Variants in MC2R observed in about 807,000 individuals in gnomAD.
MC2R encodes the protein adrenocorticotropic hormone receptor.
In MC2R, 9 loss-of-function variants were observed where a neutral mutation model predicts 9.8. The observed-to-expected ratio is 0.92, with a 90% CI of 0.55 to 1.60. The LOEUF is 1.60. Ranked by LOEUF, MC2R falls within the 40% of genes most tolerant of loss-of-function variation. The probability of loss-of-function intolerance (pLI) is 0.00; values close to 1 mark genes in which losing one functional copy is unlikely to be tolerated. For synonymous variants in MC2R, 185 were observed against 154.7 expected (o/e 1.20, Z -1.45); for missense variants, 370 against 389.0 (o/e 0.95, Z 0.41).
At position 13,884,977 on chromosome 18, in the gene MC2R, A is replaced by T. The variant is rs2045265388; in HGVS notation, c.542T>A (p.Leu181Gln). The T allele has an allele frequency of 1.2e-6, 2 of 1,614,064 alleles. No individual in the cohort carries two copies. Among genetic ancestry groups the T allele is most frequent in the East Asian group, 2.2e-5 (1 of 44,888 alleles). The change falls in exon 2 of 2, where the codon CTG becomes CAG. Residue 181 changes from leucine to glutamine, a missense_variant. Physicochemically the swap from Leu to Gln is moderately radical, Grantham distance 113. Transcript: ENST00000327606. ...GATGAAGACCAGCATCAGCGGGAAC[A>T]GCGACGTGAAGGTGATCACTGTGGG... is the stretch of plus-strand genomic sequence containing the variant. The part of the protein sequence containing the change: ...HVPTVITFTS[L>Q]FPLMLVFILC...
At chr18:13,914,060 A>ATTTTTTTTTTTT (rs11324197) in intron 1 of MC2R, among the ~76,000 whole-genome samples, 1 of 145,866 alleles carries the variant, frequency 6.9e-6, no homozygotes. Flanking sequence ...AAAGAATAGG[A>ATTTTTTTTTTTT]TTTTTTTTTT....
At chr18:13,905,379 A>T (rs2045407171) in intron 1 of MC2R, among the ~76,000 whole-genome samples, 1 of 151,976 alleles carries the variant, frequency 6.6e-6, no homozygotes, top group Admixed American at 6.6e-5. Flanking sequence ...CCAGCTACTC[A>T]GGTGGCTGAG....
At chr18:13,899,181 C>T (rs180823183) in intron 1 of MC2R, among the ~76,000 whole-genome samples, 80 of 152,202 alleles carry the variant, frequency 5.3e-4, no homozygotes, top group Admixed American at 9.8e-4. Context: ...AAAAGAATCA[C>T]GCAGAAATTC....
chr18:13,902,229 G>A (rs1431074839), intron 1 of MC2R, among the ~76,000 whole-genome samples: 1 of 152,016 alleles, frequency 6.6e-6, no homozygotes, highest in Non-Finnish European at 1.5e-5. Context: ...CAAAAAAACT[G>A]GGTAGAGAAG....
At chr18:13,908,656 A>G (rs908886926) in intron 1 of MC2R, among the ~76,000 whole-genome samples, 12 of 151,322 alleles carry the variant, frequency 7.9e-5, no homozygotes, top group Middle Eastern at 3.2e-3. Flanking sequence ...TATTAAAACT[A>G]CATACATATA....
chr18:13,900,049 A>C (rs1211056144), intron 1 of MC2R, among the ~76,000 whole-genome samples: 4 of 152,120 alleles, frequency 2.6e-5, no homozygotes, highest in Non-Finnish European at 5.9e-5. Flanking sequence ...ACTACAACAA[A>C]TTTTCAAGAT....
At position 13,904,280 on chromosome 18, in the gene MC2R, C is replaced by T. The variant is rs1462851204; in HGVS notation, c.-129+11208G>A. On this transcript the variant is annotated intron_variant, in intron 1 of 1. Coordinates refer to ENST00000327606, the MANE Select transcript of MC2R (RefSeq NM_000529.2). ...CCTCTAGTCCCAGCTACTCCGGAGG[C>T]TGAGGCAGGAGAATGGCGTGAACCC... 3.3e-5 allele frequency among the ~76,000 whole-genome samples: 5 copies of T among 150,112 alleles called. No homozygotes were observed. In the Admixed American group the frequency reaches 3.3e-4, roughly 10 times the overall value.
intron 1 of MC2R, among the ~76,000 whole-genome samples, chr18:13,910,691 C>T (rs1469058438): frequency 6.6e-6 from 1 of 152,174 alleles, no homozygotes; most frequent in Non-Finnish European, 1.5e-5. Flanking sequence ...GCTGCTGGTC[C>T]CTGGTCTAGT....
At chr18:13,912,623 T>C (rs750147538) in intron 1 of MC2R, among the ~76,000 whole-genome samples, 38 of 152,220 alleles carry the variant, frequency 2.5e-4, no homozygotes, top group Non-Finnish European at 4.6e-4. Flanking sequence ...ATCAATACTC[T>C]GTTGAAATAG....
chr18:13,910,747 C>A (rs1322087168), intron 1 of MC2R, among the ~76,000 whole-genome samples: 1 of 152,128 alleles, frequency 6.6e-6, no homozygotes, highest in Non-Finnish European at 1.5e-5. Flanking sequence ...CACTAGGGCT[C>A]CCTTCAGGGC....
At chr18:13,892,114 C>A (rs897120898) in intron 1 of MC2R, among the ~76,000 whole-genome samples, 2 of 152,280 alleles carry the variant, frequency 1.3e-5, no homozygotes, top group South Asian at 2.1e-4. Flanking sequence ...TTCAGGGGCC[C>A]TTCACCATCA....
intron 1 of MC2R, among the ~76,000 whole-genome samples, chr18:13,886,346 G>T (rs539544278): frequency 6.6e-6 from 1 of 152,292 alleles, no homozygotes; most frequent in Non-Finnish European, 1.5e-5. Context: ...ATTCTTTGCC[G>T]CCCCACTTTC....
chr18:13,915,059 C>A (rs538245527), intron 1 of MC2R, among the ~76,000 whole-genome samples: 26 of 152,286 alleles, frequency 1.7e-4, no homozygotes, highest in African/African-American at 6.0e-4. Flanking sequence ...CAGGAAGCTG[C>A]CGCATGCCCA....
intron 1 of MC2R, among the ~76,000 whole-genome samples, chr18:13,888,393 A>G (rs994315322): frequency 6.6e-6 from 1 of 152,216 alleles, no homozygotes; most frequent in Non-Finnish European, 1.5e-5. Flanking sequence ...CAGTGACACG[A>G]ATTGGTGGCC....
intron 1 of MC2R, among the ~76,000 whole-genome samples, chr18:13,894,638 G>A (rs1438806360): frequency 6.6e-6 from 1 of 152,144 alleles, no homozygotes; most frequent in Non-Finnish European, 1.5e-5. Context: ...AATAAAACTT[G>A]GCACTTACAG....
chr18:13,903,556 C>T (rs763131292), intron 1 of MC2R, among the ~76,000 whole-genome samples: 7 of 151,910 alleles, frequency 4.6e-5, no homozygotes, highest in South Asian at 2.1e-4. Context: ...TGGATGGAAG[C>T]GAAATAAGCC....
intron 1 of MC2R, among the ~76,000 whole-genome samples, chr18:13,913,739 A>G (rs1309880167): frequency 6.6e-6 from 1 of 151,462 alleles, no homozygotes; most frequent in East Asian, 1.9e-4. Flanking sequence ...CCAAGTACAG[A>G]CTCTCTTCCA....
At chr18:13,905,728 C>T (rs2045410027) in intron 1 of MC2R, among the ~76,000 whole-genome samples, 1 of 152,112 alleles carries the variant, frequency 6.6e-6, no homozygotes, top group African/African-American at 2.4e-5. Flanking sequence ...CCATTTGACC[C>T]AGCAATCCCA....
At chr18:13,912,812 G>A (rs2045452339) in intron 1 of MC2R, among the ~76,000 whole-genome samples, 1 of 152,196 alleles carries the variant, frequency 6.6e-6, no homozygotes, top group African/African-American at 2.4e-5. Flanking sequence ...GCAGCCAGCA[G>A]AGCTCGCTAT....
Sources: gnomAD v4.1 joint callset for allele counts (sites outside exome capture counted in the v4.1 genomes callset) on GRCh38, gnomAD v4.1.1 for gene constraint, MANE v1.5 for transcripts, NCBI Gene and HGNC (gene_info 2026-07-23, HGNC 2026-07-21) for gene names.